Variants in YPEL2 observed in about 807,000 individuals in gnomAD.
The protein encoded by YPEL2 is yippee like 2.
In YPEL2, 2 loss-of-function variants were observed where a neutral mutation model predicts 19.1. The ratio of observed to expected loss-of-function variants is 0.10; its 90% CI spans 0.04 to 0.33. The LOEUF (loss-of-function observed/expected upper bound fraction) is 0.33. YPEL2 is among the 10% of genes least tolerant of loss of function. The pLI is 1.00. For missense variants in YPEL2, 66 were observed against 140.7 expected, an observed-to-expected ratio of 0.47 and a Z score of 2.68; for synonymous variants, 52 against 50.0, an observed-to-expected ratio of 1.04 and a Z score of -0.17.
chr17:59,343,490 G>T (rs1478360861), intron 1 of YPEL2, among the ~76,000 whole-genome samples: 1 of 152,146 alleles, frequency 6.6e-6, no homozygotes, highest in Non-Finnish European at 1.5e-5. Flanking sequence ...TTTGTGTGCT[G>T]GGAGAAGGGA....
At chr17:59,382,564 A>T (rs2047955031) in intron 2 of YPEL2, among the ~76,000 whole-genome samples, 2 of 152,358 alleles carry the variant, frequency 1.3e-5, no homozygotes, top group South Asian at 4.1e-4. Flanking sequence ...TGAATTACAT[A>T]TGTGTGCTGC....
chr17:59,398,156 T>G lies in YPEL2; in HGVS notation c.*966T>G, dbSNP rs537530105. 6.6e-6 allele frequency: 1 copy of G among 152,356 alleles called. No individual in the cohort carries two copies. The highest frequency in any genetic ancestry group is 6.5e-5 in the Admixed American group (1 of 15,314). The allele number at this position is 152,356 out of a possible 1,614,324, so 9.4% of individuals were successfully genotyped here. A position where few individuals can be genotyped will look rare whatever the true frequency, so the allele number is the denominator to read the frequency against. On this transcript the variant is annotated 3_prime_UTR_variant, in exon 5 of 5. Transcript: ENST00000312655. ...GATCAGTTAGCAATTCTAACTGCCC[T>G]TCCTTCTGACCCCTCATAAGAGGAG...
chr17:59,379,947 A>G (rs1598047419), intron 2 of YPEL2, among the ~76,000 whole-genome samples: 1 of 150,114 alleles, frequency 6.7e-6, no homozygotes, highest in Non-Finnish European at 1.5e-5. Context: ...TGTAACCTCT[A>G]CCTCCCGGGT....
intron 1 of YPEL2, among the ~76,000 whole-genome samples, chr17:59,347,714 G>C (rs1476165488): frequency 2.0e-5 from 3 of 152,194 alleles, no homozygotes; most frequent in Admixed American, 2.0e-4. Context: ...CTTGAAAAGA[G>C]AATTCTAGAT....
intron 2 of YPEL2, among the ~76,000 whole-genome samples, chr17:59,359,015 C>T (rs2047827491): frequency 6.6e-6 from 1 of 151,488 alleles, no homozygotes; most frequent in African/African-American, 2.4e-5. Flanking sequence ...CCTCTGCTTC[C>T]CGGGTTGAAG....
intron 2 of YPEL2, chr17:59,355,588 T>G (rs2047808848): frequency 2.0e-5 from 3 of 152,156 alleles, no homozygotes; most frequent in Admixed American, 6.5e-5. Flanking sequence ...ACCTCCCTCC[T>G]CCTACACCTC....
intron 2 of YPEL2, among the ~76,000 whole-genome samples, chr17:59,377,036 C>G (rs1018240039): frequency 6.6e-6 from 1 of 151,088 alleles, no homozygotes; most frequent in African/African-American, 2.4e-5. Flanking sequence ...CATGTGGCTT[C>G]CATTGTGGAG....
At chr17:59,379,259 A>C (rs1423372736) in intron 2 of YPEL2, among the ~76,000 whole-genome samples, 1 of 152,142 alleles carries the variant, frequency 6.6e-6, no homozygotes, top group Non-Finnish European at 1.5e-5. Context: ...TGAAATCTTA[A>C]ACAGGATCTA....
chr17:59,349,653 G>C (rs1208587184), intron 1 of YPEL2, among the ~76,000 whole-genome samples: 1 of 151,400 alleles, frequency 6.6e-6, no homozygotes, highest in East Asian at 1.9e-4. Context: ...CCACAGGCTG[G>C]CCTTTTGTTT....
At chr17:59,367,630 T>C (rs900348278) in intron 2 of YPEL2, among the ~76,000 whole-genome samples, 10 of 152,156 alleles carry the variant, frequency 6.6e-5, no homozygotes, top group African/African-American at 2.2e-4. Context: ...GTTGGAGAAA[T>C]AGGTTTCTGT....
intron 2 of YPEL2, among the ~76,000 whole-genome samples, chr17:59,385,370 G>T (rs922072520): frequency 3.9e-5 from 6 of 152,188 alleles, no homozygotes; most frequent in Non-Finnish European, 8.8e-5. Context: ...CTTGAGCTCA[G>T]GAGTTTGAGA....
intron 1 of YPEL2, among the ~76,000 whole-genome samples, chr17:59,332,857 C>T (rs2147930477): frequency 6.6e-6 from 1 of 152,316 alleles, no homozygotes; most frequent in Middle Eastern, 3.4e-3. Context: ...TGCTGATTTG[C>T]TGTCCTTGCA....
At position 59,389,378 on chromosome 17, in the gene YPEL2, G is replaced by C. The variant is rs756789747; in HGVS notation, c.180G>C (p.Gly60=). The change falls in exon 4 of 5, where the codon GGG becomes GGC. Residue 60 remains glycine (G), a synonymous_variant. Transcript: ENST00000312655. ...LFNSVVNVGC[G]PAEERVLLTG... is the part of the protein sequence containing the mutation. Reference sequence around the variant, plus strand: ...GACATAGAGTTAATGTGGGCTGTGGGCCTGCAGAAGAGCGAGTGTTGCTAA... The same window carrying C: ...GACATAGAGTTAATGTGGGCTGTGGCCCTGCAGAAGAGCGAGTGTTGCTAA... 1 of 1,614,098 alleles carries C rather than the reference G, an allele frequency of 6.2e-7. No homozygotes were observed. Among genetic ancestry groups the C allele is most frequent in the Non-Finnish European group, 8.5e-7 (1 of 1,180,014 alleles).
At chr17:59,354,095 G>C (rs2047800690) in intron 2 of YPEL2, 1 of 160,340 alleles carries the variant, frequency 6.2e-6, no homozygotes, top group Non-Finnish European at 1.4e-5. Flanking sequence ...CAGAAGAATG[G>C]AACCCTGTTT....
At chr17:59,344,398 G>A (rs2047746144) in intron 1 of YPEL2, among the ~76,000 whole-genome samples, 1 of 152,152 alleles carries the variant, frequency 6.6e-6, no homozygotes, top group Non-Finnish European at 1.5e-5. Flanking sequence ...GAGAAACACA[G>A]TAAAGCCCAT....
rs1341102016 is a variant in YPEL2, at chr17:59,353,739, T to A, written c.117+213T>A. The A allele has an allele frequency of 1.9e-6, 1 of 538,102 alleles. No homozygotes were observed. The highest frequency in any genetic ancestry group is 1.8e-5 in the South Asian group (1 of 56,184). The allele number at this position is 538,102 out of a possible 1,614,324, so 33.3% of individuals were successfully genotyped here. On this transcript the variant is annotated intron_variant, in intron 2 of 4. Coordinates refer to ENST00000312655, the MANE Select transcript of YPEL2 (RefSeq NM_001005404.4). The surrounding 1 kb of genome is among the most constrained non-coding windows in gnomAD (Gnocchi z 4.8). Reference sequence around the variant, plus strand: ...TTGTTATTTTGGAAATGAGGTGTCATCCTTGTTGGAGGCTTTGGGAGCTGG... The same window carrying A: ...TTGTTATTTTGGAAATGAGGTGTCAACCTTGTTGGAGGCTTTGGGAGCTGG...
At chr17:59,381,229 A>C (rs1383464014) in intron 2 of YPEL2, among the ~76,000 whole-genome samples, 3 of 152,240 alleles carry the variant, frequency 2.0e-5, no homozygotes, top group Non-Finnish European at 4.4e-5. Context: ...TGCCAAGACT[A>C]GATCCTCTTA....
intron 2 of YPEL2, among the ~76,000 whole-genome samples, chr17:59,372,383 C>T (rs1476320889): frequency 1.3e-5 from 2 of 152,166 alleles, no homozygotes; most frequent in African/African-American, 4.8e-5. Context: ...TTGAGTCCCT[C>T]TCTAGGCCCA....
chr17:59,358,920 C>CT (rs1369335969), intron 2 of YPEL2, among the ~76,000 whole-genome samples: 1 of 120,164 alleles, frequency 8.3e-6, no homozygotes, highest in African/African-American at 3.4e-5. Context: ...TTTTTTTTTC[C>CT]TTTTTCTTTT....
Sources: gnomAD v4.1 joint callset for allele counts (sites outside exome capture counted in the v4.1 genomes callset) on GRCh38, gnomAD v4.1.1 for gene constraint, Gnocchi (gnomAD v3.1) non-coding constraint, MANE v1.5 for transcripts, NCBI Gene and HGNC (gene_info 2026-07-23, HGNC 2026-07-21) for gene names.